The following DAPK1 variants were observed in gnomAD, a reference collection of about 807,000 sequenced individuals.
The protein encoded by DAPK1 is death-associated protein kinase 1.
Under a neutral mutation model 144.9 loss-of-function variants are expected in DAPK1, and 56 were observed. The observed-to-expected ratio is 0.39, with a 90% CI of 0.31 to 0.48. DAPK1 has a LOEUF of 0.48. Among genes scored for constraint, DAPK1 ranks in the 20% least tolerant of loss-of-function variants. The pLI is 0.95. For synonymous variants in DAPK1, 690 were observed against 749.0 expected (o/e 0.92, Z 1.29); for missense variants, 1,454 against 1,875.4 (o/e 0.78, Z 4.15).
At chr9:87,705,337 G>A (rs1268449209) in intron 25 of DAPK1, among the ~76,000 whole-genome samples, 2 of 150,794 alleles carry the variant, frequency 1.3e-5, no homozygotes, top group South Asian at 2.1e-4. Flanking sequence ...CGCCTCCTGG[G>A]TTCAAGTGAT....
At chr9:87,582,557 C>CTTTTTTTTTTTTTTTTTT (rs10659497) in intron 2 of DAPK1, among the ~76,000 whole-genome samples, 3 of 139,500 alleles carry the variant, frequency 2.2e-5, no homozygotes, top group Non-Finnish European at 1.5e-5. Flanking sequence ...AATTTTCCTG[C>CTTTTTTTTTTTTTTTTTT]TTTTTTTTTT....
intron 2 of DAPK1, among the ~76,000 whole-genome samples, chr9:87,575,886 C>T (rs1315071628): frequency 6.6e-6 from 1 of 152,178 alleles, no homozygotes; most frequent in African/African-American, 2.4e-5. Context: ...TGCTCCCTGG[C>T]AAGGGAAGTC....
chr9:87,525,037 G>A (rs1386497075), intron 2 of DAPK1, among the ~76,000 whole-genome samples: 2 of 152,096 alleles, frequency 1.3e-5, no homozygotes, highest in African/African-American at 4.8e-5. Context: ...AATAACCTAT[G>A]GAGATAAAAA....
Position 87,641,981 on chromosome 9 carries a change from C to T in DAPK1, c.841C>T (p.Gln281Ter). ...QHPWIKPKDT[Q>*]QALSRKASAV... Reference sequence around the variant, plus strand: ...ATTTTTATTTTAGCCTAAAGATACACAACAGGCACTTAGTAGAAAAGCATC... The same window carrying T: ...ATTTTTATTTTAGCCTAAAGATACATAACAGGCACTTAGTAGAAAAGCATC... Residue 281 changes from glutamine to a stop codon, truncating the protein, a stop_gained, in exon 10 of 26, where the codon CAA (glutamine) becomes TAA (stop). Transcript: ENST00000408954. LOFTEE classifies it high-confidence loss of function. The T allele has an allele frequency of 6.2e-7, 1 of 1,613,488 alleles. No homozygotes were observed. Among genetic ancestry groups the T allele is most frequent in the Non-Finnish European group, 8.5e-7 (1 of 1,179,692 alleles).
intron 2 of DAPK1, among the ~76,000 whole-genome samples, chr9:87,566,756 G>A (rs1827141485): frequency 6.6e-6 from 1 of 152,164 alleles, no homozygotes; most frequent in Non-Finnish European, 1.5e-5. Flanking sequence ...GGTTGGACAC[G>A]TTGGTTGGAC....
chr9:87,626,689 T>TTACATCCATTCC (rs1326983637), intron 3 of DAPK1, among the ~76,000 whole-genome samples: 3 of 152,084 alleles, frequency 2.0e-5, no homozygotes, highest in African/African-American at 7.2e-5. Flanking sequence ...GTAAAGACCA[T>TTACATCCATTCC]CAGTTAGGGA....
intron 2 of DAPK1, among the ~76,000 whole-genome samples, chr9:87,556,150 C>T (rs893356581): frequency 6.6e-6 from 1 of 152,142 alleles, no homozygotes; most frequent in African/African-American, 2.4e-5. Flanking sequence ...AATAGAAGGA[C>T]ATTTTGGGTG....
In DAPK1 at chr9:87,681,499, G is replaced by A. The variant is rs1019151279; in HGVS notation, c.2097G>A (p.Gly699=). ...KLKLFGHSGS[G]KTTLVESLKC... ...AGCTGTTTGGCCACTCGGGATCCGG[G>A]AAAACCACCCTTGTAGAATCTCTCA... The change falls in exon 20 of 26, where the codon GGG becomes GGA. Residue 699 remains glycine (G), a synonymous_variant. Transcript: ENST00000408954. 2 of 1,613,226 alleles carry A rather than the reference G, an allele frequency of 1.2e-6. No homozygotes were observed. Among genetic ancestry groups the A allele is most frequent in the Admixed American group, 1.7e-5 (1 of 60,016 alleles).
chr9:87,509,652 G>C lies in DAPK1; in HGVS notation c.62+10513G>C, dbSNP rs534802403. On this transcript the variant is annotated intron_variant, in intron 2 of 25. Coordinates refer to ENST00000408954, the MANE Select transcript of DAPK1 (RefSeq NM_004938.4). ...TGGGATTACAGGCGTGAGCCACCGC[G>C]CCCGGCCATCCTGCCAGCGTTTTCT... Among the ~76,000 whole-genome samples the C allele has an allele frequency of 2.0e-5, 3 of 152,314 alleles. No homozygotes were observed. The East Asian group carries it at 5.8e-4, about 29-fold the overall frequency.
At position 87,567,208 on chromosome 9, in the gene DAPK1, T is replaced by C. The variant is rs554948610; in HGVS notation, c.63-37746T>C. Among the ~76,000 whole-genome samples the C allele has an allele frequency of 2.8e-3, 421 of 152,348 alleles. 2 individuals carry two copies. The highest frequency in any genetic ancestry group is 4.0e-3 in the Non-Finnish European group (271 of 68,030). On this transcript the variant is annotated intron_variant, in intron 2 of 25. Transcript: ENST00000408954. The stretch of plus-strand genomic sequence containing the variant: ...GCTTGGCCTCTCCTCCCGTGGTGGC[T>C]GGTGCCAAGTCAATCTGTAGCTGAT...
chr9:87,706,723 A>G lies in DAPK1; in HGVS notation c.3652A>G (p.Thr1218Ala), dbSNP rs1422452387. The G allele has an allele frequency of 1.2e-6, 2 of 1,612,922 alleles. No homozygotes were observed. Among genetic ancestry groups the G allele is most frequent in the Non-Finnish European group, 1.7e-6 (2 of 1,179,692 alleles). ...CCTGCTGCTGGACTCGGTGTGCAGC[A>G]CCATTGAGAACGTCATGGCCACCAC... ...CCLLLDSVCS[T>A]IENVMATTLP... is the part of the protein sequence containing the mutation. The change falls in exon 26 of 26, where the codon ACC becomes GCC. Residue 1218 changes from threonine (T) to alanine (A), a missense_variant. Transcript: ENST00000408954. The surrounding 1 kb of genome is among the most constrained non-coding windows in gnomAD (Gnocchi z 9.0).
intron 3 of DAPK1, chr9:87,632,923 A>ATATATATAG (rs1829756847): frequency 1.4e-6 from 1 of 698,186 alleles, no homozygotes; most frequent in Admixed American, 8.3e-5. Context: ...TATATATATA[A>ATATATATAG]ATGAAGGGTG....
intron 2 of DAPK1, among the ~76,000 whole-genome samples, chr9:87,586,398 A>G (rs533212557): frequency 6.6e-6 from 1 of 152,322 alleles, no homozygotes; most frequent in East Asian, 1.9e-4. Context: ...TTTAATTTAT[A>G]AATGATTATT....
intron 21 of DAPK1, among the ~76,000 whole-genome samples, chr9:87,690,381 T>A (rs928898338): frequency 1.3e-5 from 2 of 152,152 alleles, no homozygotes; most frequent in Non-Finnish European, 2.9e-5. Context: ...CTATTTAATA[T>A]GAATTTATTT....
rs1397076526 is a variant in DAPK1, at chr9:87,686,262, G to A, written c.2225-289G>A. 1.3e-5 allele frequency among the ~76,000 whole-genome samples: 2 copies of A among 152,130 alleles called. No individual in the cohort carries two copies. The highest frequency in any genetic ancestry group is 1.3e-4 in the Admixed American group (2 of 15,272). On this transcript the variant is annotated intron_variant, in intron 20 of 25. Coordinates refer to ENST00000408954, the MANE Select transcript of DAPK1 (RefSeq NM_004938.4). This position sits in a 1 kb window ranked among gnomAD's most constrained non-coding sequence, Gnocchi z 4.2. ...GCCTCCCGTTGGCTGACCCTAAGCA[G>A]AAATCACATGGCAAGCCAGCCTAGA...
intron 10 of DAPK1, among the ~76,000 whole-genome samples, chr9:87,642,587 G>A (rs2119142572): frequency 6.6e-6 from 1 of 152,232 alleles, no homozygotes; most frequent in South Asian, 2.1e-4. Flanking sequence ...CAGACCTCCT[G>A]GAACAAATCA....
At chr9:87,516,473 C>T (rs1825060090) in intron 2 of DAPK1, among the ~76,000 whole-genome samples, 1 of 152,128 alleles carries the variant, frequency 6.6e-6, no homozygotes, top group Non-Finnish European at 1.5e-5. Flanking sequence ...ACCTTGCTTC[C>T]CCCTGCTCTG....
chr9:87,567,451 G>C (rs550140805), intron 2 of DAPK1, among the ~76,000 whole-genome samples: 8 of 152,138 alleles, frequency 5.3e-5, no homozygotes, highest in Non-Finnish European at 1.0e-4. Context: ...ACCCTTCCTC[G>C]ATGTCTTTCC....
At position 87,647,501 on chromosome 9, in the gene DAPK1, A is replaced by C. The variant is rs1368565408; in HGVS notation, c.1329+98A>C. The C allele has an allele frequency of 9.0e-6, 9 of 998,098 alleles. No individual in the cohort carries two copies. The African/African-American group carries it at 1.4e-4, about 16-fold the overall frequency. 61.8% of individuals were successfully genotyped at this position (998,098 alleles called of 1,614,324 possible). On this transcript the variant is annotated intron_variant, in intron 14 of 25. Coordinates refer to ENST00000408954, the MANE Select transcript of DAPK1 (RefSeq NM_004938.4). Reference sequence around the variant, plus strand: ...CCGTGTGCATCGGGACCCAAAGGAAAGGAATCAGGACCAGAATTCACCTGC... The same window carrying C: ...CCGTGTGCATCGGGACCCAAAGGAACGGAATCAGGACCAGAATTCACCTGC...
Sources: gnomAD v4.1 joint callset for allele counts (sites outside exome capture counted in the v4.1 genomes callset) on GRCh38, gnomAD v4.1.1 for gene constraint, Gnocchi (gnomAD v3.1) non-coding constraint, MANE v1.5 for transcripts, NCBI Gene and HGNC (gene_info 2026-07-23, HGNC 2026-07-21) for gene names.